The following WWC1 variants were observed in gnomAD, a reference collection of about 807,000 sequenced individuals.
WWC1 encodes WW and C2 domain containing 1, also known as protein KIBRA.
WWC1 carries 55 observed loss-of-function variants against 138.4 expected under a neutral mutation model. The observed-to-expected ratio is 0.40, with a 90% CI of 0.32 to 0.50. WWC1 has a LOEUF of 0.50. Among genes scored for constraint, WWC1 ranks in the 20% least tolerant of loss-of-function variants. WWC1 has a pLI of 0.72. For missense variants in WWC1, 1,226 were observed against 1,420.4 expected (o/e 0.86, Z 2.20); for synonymous variants, 524 against 564.9 (o/e 0.93, Z 1.03).
chr5:168,335,111 TTTCTAAGTCCCTCAAAAGTCAC>T (rs1773349998), intron 1 of WWC1, among the ~76,000 whole-genome samples: 2 of 152,204 alleles, frequency 1.3e-5, no homozygotes, highest in Non-Finnish European at 2.9e-5. Context: ...AGGTGAGGGC[TTTCTAAGTCCCTCAAAAGTCAC>T]TTCTAAGTCA....
rs1372978383 is a variant in WWC1 at position 168,469,482 on chromosome 5, C to T, written c.*465C>T. 6.4e-6 allele frequency: 1 copy of T among 156,644 alleles called. No homozygotes were observed. The highest frequency in any genetic ancestry group is 1.4e-5 in the Non-Finnish European group (1 of 70,592). The allele number at this position is 156,644 out of a possible 1,614,324, so 9.7% of individuals were successfully genotyped here. ...AGTACAGCTAATTTTTCCTAGTTAA[C>T]ATATTTTGTACAATATTAAAAAAAT... On this transcript the variant is annotated 3_prime_UTR_variant, in exon 23 of 23. Transcript: ENST00000265293.
intron 1 of WWC1, among the ~76,000 whole-genome samples, chr5:168,364,800 G>A (rs532606193): frequency 7.2e-5 from 11 of 152,230 alleles, no homozygotes; most frequent in East Asian, 1.9e-4. Flanking sequence ...GCTGACCTCC[G>A]CCTCCACTTC....
At chr5:168,430,790 C>G (rs368385971) in intron 14 of WWC1, among the ~76,000 whole-genome samples, 252 of 152,298 alleles carry the variant, frequency 1.7e-3, no homozygotes, top group African/African-American at 5.8e-3. Context: ...CAAGTTTTCT[C>G]TGATCGTAAG....
intron 11 of WWC1, among the ~76,000 whole-genome samples, chr5:168,425,868 T>C (rs1781464961): frequency 6.6e-6 from 1 of 152,130 alleles, no homozygotes; most frequent in Non-Finnish European, 1.5e-5. Context: ...CTGAGGTTAG[T>C]CCCACAGAGT....
In WWC1 at chr5:168,320,630, A is replaced by C. The variant is rs528688017; in HGVS notation, c.119+28359A>C. Among the ~76,000 whole-genome samples the C allele has an allele frequency of 2.0e-5, 3 of 152,312 alleles. No individual in the cohort carries two copies. In the East Asian group the frequency reaches 5.8e-4, roughly 29 times the overall value. On this transcript the variant is annotated intron_variant, in intron 1 of 22. Coordinates refer to ENST00000265293, the MANE Select transcript of WWC1 (RefSeq NM_015238.3). Reference sequence around the variant, plus strand: ...TCTGTGTGTTTGGTAGGTGCTGGGCATCAGTGCTGTCAGTGAACAGAGCAG... The same window carrying C: ...TCTGTGTGTTTGGTAGGTGCTGGGCCTCAGTGCTGTCAGTGAACAGAGCAG...
At chr5:168,294,184 G>C (rs995834930) in intron 1 of WWC1, among the ~76,000 whole-genome samples, 2 of 152,126 alleles carry the variant, frequency 1.3e-5, no homozygotes, top group African/African-American at 4.8e-5. Context: ...TTTACCCTTG[G>C]AAAAGGGTAA....
chr5:168,433,023 A>G (rs1392195888), intron 15 of WWC1, among the ~76,000 whole-genome samples: 1 of 152,160 alleles, frequency 6.6e-6, no homozygotes, highest in Non-Finnish European at 1.5e-5. Context: ...CTTCTCTATC[A>G]TGGCATTGTG....
rs752709016 is a variant in WWC1 at position 168,414,523 on chromosome 5, G to T, written c.1117G>T (p.Ala373Ser). 2.6e-6 allele frequency: 4 copies of T among 1,556,140 alleles called. No individual in the cohort carries two copies. The highest frequency in any genetic ancestry group is 3.5e-6 in the Non-Finnish European group (4 of 1,149,502). The stretch of plus-strand genomic sequence containing the variant: ...GGGGGAGGTGGAGCAGCTGGAGATG[G>T]CCCGGAAGCGGCTGGAAAAGGACCT... Reference protein sequence around the residue: ...TQGEVEQLEMARKRLEKDLQA... With the variant: ...TQGEVEQLEMSRKRLEKDLQA... Residue 373 changes from alanine (A) to serine (S), a missense_variant, in exon 9 of 23, where the codon GCC becomes TCC. Around this residue, in one of 3 missense-constraint regions of WWC1, gnomAD observed 1,016 missense variants for 1,153.9 expected, o/e 0.88. Coordinates refer to ENST00000265293, the MANE Select transcript of WWC1 (RefSeq NM_015238.3).
Position 168,444,582 on chromosome 5 carries a change from G to A in WWC1, c.2522G>A (p.Ser841Asn), listed in dbSNP as rs751154604. The A allele has an allele frequency of 1.9e-6, 3 of 1,613,076 alleles. No homozygotes were observed. Among genetic ancestry groups the A allele is most frequent in the Non-Finnish European group, 2.5e-6 (3 of 1,179,840 alleles). Residue 841 changes from serine to asparagine, a missense_variant, in exon 17 of 23, where the codon AGC (serine) becomes AAC (asparagine). Transcript: ENST00000265293. ...AGCAGCACACAGACACTGGAAGACA[G>A]CTGGTGAGTGAGCCCGCCCTTGGGC... ...GRSSTQTLED[S>N]WRYEETSENE...
At position 168,313,682 on chromosome 5, in the gene WWC1, C is replaced by T. The variant is rs1049876006; in HGVS notation, c.119+21411C>T. On this transcript the variant is annotated intron_variant, in intron 1 of 22. Transcript: ENST00000265293. ...TTAACCAGATCCCCAGAGGTACTTACGCATGTTAACATTGAGTAGCACTGA... is the reference window on the plus strand; with the variant it reads ...TTAACCAGATCCCCAGAGGTACTTATGCATGTTAACATTGAGTAGCACTGA... 2.7e-4 allele frequency among the ~76,000 whole-genome samples: 41 copies of T among 151,596 alleles called. 1 individual carries two copies. Among genetic ancestry groups the T allele is most frequent in the African/African-American group, 8.0e-4 (33 of 41,318 alleles).
chr5:168,429,419 C>T (rs1467694353), intron 13 of WWC1, among the ~76,000 whole-genome samples: 6 of 151,814 alleles, frequency 4.0e-5, no homozygotes, highest in Admixed American at 6.6e-5. Flanking sequence ...CCACCACGCC[C>T]GGCTAACTTT....
At chr5:168,420,569 C>T (rs1220374100) in intron 9 of WWC1, among the ~76,000 whole-genome samples, 1 of 151,882 alleles carries the variant, frequency 6.6e-6, no homozygotes, top group Non-Finnish European at 1.5e-5. Context: ...TGATAGGGAC[C>T]CCCCCGCCCC....
chr5:168,384,051 A>T (rs1355186397), intron 2 of WWC1, among the ~76,000 whole-genome samples: 1 of 152,132 alleles, frequency 6.6e-6, no homozygotes, highest in Non-Finnish European at 1.5e-5. Flanking sequence ...ATAGTTATTT[A>T]TTCGGTTTTA....
intron 3 of WWC1, among the ~76,000 whole-genome samples, chr5:168,390,458 T>C (rs1369368059): frequency 1.3e-5 from 2 of 152,152 alleles, no homozygotes; most frequent in East Asian, 1.9e-4. Flanking sequence ...ACCATTTTCA[T>C]TGTTAAATAT....
At chr5:168,382,176 T>C (rs778722871) in intron 2 of WWC1, among the ~76,000 whole-genome samples, 27 of 152,180 alleles carry the variant, frequency 1.8e-4, no homozygotes, top group Non-Finnish European at 3.4e-4. Flanking sequence ...GTTTAAAAGA[T>C]GGTGCACCTA....
At chr5:168,345,289 G>C (rs964218077) in intron 1 of WWC1, among the ~76,000 whole-genome samples, 2 of 152,126 alleles carry the variant, frequency 1.3e-5, no homozygotes, top group Non-Finnish European at 2.9e-5. Context: ...ATTTTTAATA[G>C]AGACAGGGTT....
intron 1 of WWC1, among the ~76,000 whole-genome samples, chr5:168,339,959 C>G (rs1434818076): frequency 1.1e-5 from 1 of 91,778 alleles, no homozygotes; most frequent in African/African-American, 6.6e-5. Flanking sequence ...CCCTCTCCCT[C>G]TCTCTCTCTG....
intron 17 of WWC1, among the ~76,000 whole-genome samples, chr5:168,453,523 A>G (rs1025130950): frequency 6.6e-6 from 1 of 152,126 alleles, no homozygotes; most frequent in African/African-American, 2.4e-5. Context: ...ATCAAACTAT[A>G]CACTGAAAAT....
chr5:168,384,749 A>C (rs1035618011), intron 2 of WWC1, among the ~76,000 whole-genome samples: 2 of 121,220 alleles, frequency 1.6e-5, no homozygotes, highest in African/African-American at 3.3e-5. Flanking sequence ...ACAGAGTCTC[A>C]TTATGTCATC....
Sources: allele counts gnomAD v4.1 joint callset (sites outside exome capture counted in the v4.1 genomes callset), GRCh38; gene constraint gnomAD v4.1.1; regional missense constraint gnomAD v4.1.1; transcripts MANE v1.5; gene names NCBI Gene and HGNC (gene_info 2026-07-23, HGNC 2026-07-21).